The following SRMS variants were observed in gnomAD, a reference collection of about 807,000 sequenced individuals.
SRMS encodes the protein src-related kinase lacking C-terminal regulatory tyrosine and N-terminal myristylation sites, also known as tyrosine-protein kinase Srms.
Under a neutral mutation model 43.5 loss-of-function variants are expected in SRMS, and 42 were observed. The ratio of observed to expected loss-of-function variants is 0.97; its 90% CI spans 0.75 to 1.25. SRMS has a LOEUF of 1.25. Among genes scored for constraint, SRMS ranks in the 50% most tolerant of loss-of-function variants. The pLI is 0.00. For missense variants in SRMS, 703 were observed against 681.0 expected (o/e 1.03, Z -0.36); for synonymous variants, 316 against 308.2 (o/e 1.03, Z -0.27).
intron 1 of SRMS, 94 bp downstream of exon 1, chr20:63,547,014 C>A: frequency 8.7e-7 from 1 of 1,144,238 alleles, no homozygotes; most frequent in South Asian, 1.6e-5. Flanking sequence ...CAGATAGCCA[C>A]GGACATGCGA....
Position 63,543,315 on chromosome 20 carries a change from T to C in SRMS, c.644A>G (p.Gln215Arg). The change falls in exon 3 of 8, where the codon CAG (glutamine) becomes CGG (arginine). Residue 215 changes from glutamine to arginine, a missense_variant and splice_region_variant. By Grantham distance (43) the Gln-to-Arg change is conservative. Transcript: ENST00000217188. Reference protein sequence around the residue: ...QNPLLQPCMPQKAPRQDVWER... With the variant: ...QNPLLQPCMPRKAPRQDVWER... ...GCAGCTTGGCAGGCACAGGCCCACC[T>C]GGGGCATGCAGGGCTGCAGCAGGGG... 4 of 1,612,208 alleles carry C rather than the reference T, an allele frequency of 2.5e-6. No individual in the cohort carries two copies. Among genetic ancestry groups the C allele is most frequent in the Admixed American group, 1.7e-5 (1 of 60,006 alleles).
chr20:63,542,234 C>A lies in SRMS; in HGVS notation c.875G>T (p.Cys292Phe), dbSNP rs61740190. The change falls in exon 5 of 8, where the codon TGC becomes TTC. Residue 292 changes from cysteine to phenylalanine, a missense_variant. Transcript: ENST00000217188. ...GATGTACACAGGCTCCCCGCCCGAG[C>A]ACACTGCGTGCAGCCGGATGAGCCG... ...HERLIRLHAV[C>F]SGGEPVYIVT... The A allele has an allele frequency of 6.2e-7, 1 of 1,612,736 alleles. No individual in the cohort carries two copies. Among genetic ancestry groups the A allele is most frequent in the Non-Finnish European group, 8.5e-7 (1 of 1,179,780 alleles).
At chr20:63,546,818 G>A (rs1046689717) in intron 1 of SRMS, among the ~76,000 whole-genome samples, 2 of 152,210 alleles carry the variant, frequency 1.3e-5, no homozygotes, top group Non-Finnish European at 2.9e-5. Context: ...GGTCCTGGAG[G>A]AACCGCCTGC....
At position 63,540,074 on chromosome 20, in the gene SRMS, T is replaced by A. The variant is rs2082694441; in HGVS notation, c.*744A>T. 1.3e-5 allele frequency among the ~76,000 whole-genome samples: 2 copies of A among 152,200 alleles called. No homozygotes were observed. The highest frequency in any genetic ancestry group is 4.8e-5 in the African/African-American group (2 of 41,442). On this transcript the variant is annotated 3_prime_UTR_variant, in exon 8 of 8. Coordinates refer to ENST00000217188, the MANE Select transcript of SRMS (RefSeq NM_080823.4). The stretch of plus-strand genomic sequence containing the variant: ...TTTCTAGCCACGTGGACCCGTACGC[T>A]CCAGCTCCTGGGTCTGGGTTTGGGG...
At position 63,539,785 on chromosome 20, in the gene SRMS, A is replaced by G. The variant is rs185281015; in HGVS notation, c.*1033T>C. Among the ~76,000 whole-genome samples the G allele has an allele frequency of 3.3e-5, 5 of 151,976 alleles. No individual in the cohort carries two copies. Among genetic ancestry groups the G allele is most frequent in the Admixed American group, 2.0e-4 (3 of 15,278 alleles). ...CAGCATACCATGGCATCTACCTCCG[A>G]GCCCCCAACCGACCCTGCCTGACCC... On this transcript the variant is annotated 3_prime_UTR_variant, in exon 8 of 8. Coordinates refer to ENST00000217188, the MANE Select transcript of SRMS (RefSeq NM_080823.4).
rs927963055 is a variant in SRMS at position 63,542,432 on chromosome 20, G to C, written c.787+8C>G. The stretch of plus-strand genomic sequence containing the variant: ...GCCCGGCCGTGGCGCAGGATCTCGG[G>C]GCCTCACCTGACTTGATGACCTTGA... On this transcript the variant is annotated splice_region_variant and intron_variant, in intron 4 of 7. Transcript: ENST00000217188. 1.2e-6 allele frequency: 2 copies of C among 1,609,514 alleles called. No individual in the cohort carries two copies. The highest frequency in any genetic ancestry group is 1.7e-6 in the Non-Finnish European group (2 of 1,177,918).
In SRMS at chr20:63,541,592, C is replaced by T. The variant is rs1390773442; in HGVS notation, c.975G>A (p.Pro325=). The change falls in exon 6 of 8, where the codon CCG becomes CCA. Residue 325 remains proline, a synonymous_variant. Coordinates refer to ENST00000217188, the MANE Select transcript of SRMS (RefSeq NM_080823.4). ...GTPEGRALRL[P]PLLGFACQVA... The stretch of plus-strand genomic sequence containing the variant: ...CCTGGCAGGCAAAGCCCAGGAGTGG[C>T]GGCAGACGCAGGGCCCGGCCCTCGG... The T allele has an allele frequency of 2.5e-5, 39 of 1,564,768 alleles. No homozygotes were observed. The highest frequency in any genetic ancestry group is 1.8e-4 in the Middle Eastern group (1 of 5,424).
Position 63,542,227 on chromosome 20 carries a change from G to A in SRMS, c.882C>T (p.Gly294=), listed in dbSNP as rs377502775. ...RLIRLHAVCS[G]GEPVYIVTEL... ...CCGTGACGATGTACACAGGCTCCCC[G>A]CCCGAGCACACTGCGTGCAGCCGGA... is the stretch of plus-strand genomic sequence containing the variant. Residue 294 remains glycine (G), a synonymous_variant, in exon 5 of 8, where the codon GGC becomes GGT. Transcript: ENST00000217188. The A allele has an allele frequency of 1.1e-5, 18 of 1,612,638 alleles. No homozygotes were observed. The highest frequency in any genetic ancestry group is 1.7e-4 in the Middle Eastern group (1 of 6,058).
chr20:63,544,936 T>A (rs2082723389), intron 1 of SRMS, among the ~76,000 whole-genome samples: 1 of 152,136 alleles, frequency 6.6e-6, no homozygotes, highest in South Asian at 2.1e-4. Flanking sequence ...GTGCGAACGT[T>A]CAAAGCATCC....
At chr20:63,541,119 C>T (rs2082701285) in intron 7 of SRMS, 72 bp downstream of exon 7, 3 of 1,558,950 alleles carry the variant, frequency 1.9e-6, no homozygotes, top group Non-Finnish European at 2.6e-6. Context: ...CCCTTGCCGA[C>T]AGCGTCCAGG....
intron 1 of SRMS, among the ~76,000 whole-genome samples, chr20:63,546,152 C>G (rs1025469492): frequency 6.6e-6 from 1 of 152,170 alleles, no homozygotes; most frequent in African/African-American, 2.4e-5. Context: ...GTCCTCCACA[C>G]CTGGGGTGAC....
intron 4 of SRMS, 37 bp downstream of exon 4, chr20:63,542,403 C>T (rs770339692): frequency 1.3e-5 from 20 of 1,598,284 alleles, no homozygotes; most frequent in Admixed American, 6.8e-5. Context: ...ACAGCAGGTG[C>T]GGGGCCCGGC....
chr20:63,544,351 G>A lies in SRMS; in HGVS notation c.357-3C>T, dbSNP rs2082720109. On this transcript the variant is annotated splice_region_variant and splice_polypyrimidine_tract_variant and intron_variant, in intron 1 of 7. Coordinates refer to ENST00000217188, the MANE Select transcript of SRMS (RefSeq NM_080823.4). ...GACTGACCCCGCTAAAGTACCAGCTGCAAACAGCAGGTGCGGCAGTCACCT... is the reference window on the plus strand; with the variant it reads ...GACTGACCCCGCTAAAGTACCAGCTACAAACAGCAGGTGCGGCAGTCACCT... 1.4e-6 allele frequency: 2 copies of A among 1,467,204 alleles called. No individual in the cohort carries two copies. Among genetic ancestry groups the A allele is most frequent in the Non-Finnish European group, 9.0e-7 (1 of 1,111,314 alleles). The allele number at this position is 1,467,204 out of a possible 1,614,324, so 90.9% of individuals were successfully genotyped here.
chr20:63,541,702 A>C, intron 5 of SRMS, 82 bp from the exon 6 acceptor site: 2 of 1,400,090 alleles, frequency 1.4e-6, no homozygotes, highest in Non-Finnish European at 1.9e-6. Flanking sequence ...ACCTTCCCCC[A>C]TGCCTCAGCC....
intron 3 of SRMS, 130 bp downstream of exon 3, chr20:63,543,184 A>G (rs2082713388): frequency 2.7e-6 from 3 of 1,129,984 alleles, no homozygotes; most frequent in East Asian, 4.8e-5. Flanking sequence ...CGATGCTCCC[A>G]GGCCTGGGCA....
intron 1 of SRMS, among the ~76,000 whole-genome samples, chr20:63,546,388 G>T (rs533316076): frequency 6.6e-6 from 1 of 152,344 alleles, no homozygotes; most frequent in Non-Finnish European, 1.5e-5. Flanking sequence ...CAGGGCTCAG[G>T]CCTTGCCCAG....
At position 63,540,245 on chromosome 20, in the gene SRMS, A is replaced by T. The variant is rs2082695625; in HGVS notation, c.*573T>A. Among the ~76,000 whole-genome samples the T allele has an allele frequency of 6.6e-6, 1 of 152,206 alleles. No individual in the cohort carries two copies. Among genetic ancestry groups the T allele is most frequent in the African/African-American group, 2.4e-5 (1 of 41,460 alleles). ...GGTGACGGTGCCACCCCGTGCCTACATACCACACATCCAGTGGGGTCAACA... is the reference window on the plus strand; with the variant it reads ...GGTGACGGTGCCACCCCGTGCCTACTTACCACACATCCAGTGGGGTCAACA... On this transcript the variant is annotated 3_prime_UTR_variant, in exon 8 of 8. Transcript: ENST00000217188.
rs200467630 is a variant in SRMS, at chr20:63,542,465, G to T, written c.762C>A (p.Pro254=). ...VWEGLWLGSL[P]VAIKVIKSAN... ...CTGACTTGATGACCTTGATCGCCAC[G>T]GGCAGGGAGCCCAGCCACAGGCCTT... Residue 254 remains proline (P), a synonymous_variant, in exon 4 of 8, where the codon CCC becomes CCA. Transcript: ENST00000217188. 1 of 1,612,302 alleles carries T rather than the reference G, an allele frequency of 6.2e-7. No homozygotes were observed. Among genetic ancestry groups the T allele is most frequent in the South Asian group, 1.1e-5 (1 of 91,042 alleles).
At chr20:63,544,874 C>G (rs1444592938) in intron 1 of SRMS, among the ~76,000 whole-genome samples, 1 of 152,182 alleles carries the variant, frequency 6.6e-6, no homozygotes, top group African/African-American at 2.4e-5. Flanking sequence ...CTAAGCCAGG[C>G]TGTGCAGGAG....
Sources: gnomAD v4.1 joint callset for allele counts (sites outside exome capture counted in the v4.1 genomes callset) on GRCh38, gnomAD v4.1.1 for gene constraint, MANE v1.5 for transcripts, NCBI Gene and HGNC (gene_info 2026-07-23, HGNC 2026-07-21) for gene names.